Variants in ZNF726 observed in about 807,000 individuals in gnomAD.
The protein encoded by ZNF726 is zinc finger protein 726.
ZNF726 carries 15 observed loss-of-function variants against 11.6 expected under a neutral mutation model. The observed-to-expected ratio is 1.29, with a 90% CI of 0.86 to 1.99. The LOEUF is 1.99. ZNF726 is among the 30% of genes most tolerant of loss of function. ZNF726 has a pLI of 0.00. For synonymous variants in ZNF726, 295 were observed against 243.6 expected (o/e 1.21, Z -1.96); for missense variants, 890 against 725.6 (o/e 1.23, Z -2.60).
chr19:23,930,519 C>T (rs55965799), intron 3 of ZNF726, among the ~76,000 whole-genome samples: 15,603 of 152,048 alleles, frequency 0.1, 950 homozygotes, highest in Middle Eastern at 0.21. Flanking sequence ...CATTGTGGAG[C>T]AAAATCATAT....
intron 2 of ZNF726, 112 bp downstream of exon 2, chr19:23,919,611 C>T: frequency 2.2e-6 from 3 of 1,347,642 alleles, no homozygotes; most frequent in Non-Finnish European, 2.9e-6. Flanking sequence ...CAAGAAAATC[C>T]TGGGGATTTG....
chr19:23,936,976 A>T (rs1217270066), downstream of ZNF726, among the ~76,000 whole-genome samples: 2 of 151,404 alleles, frequency 1.3e-5, no homozygotes, highest in Non-Finnish European at 2.9e-5. Context: ...TGTTGGGTAC[A>T]CCTCCCAGAC....
At chr19:23,938,696 C>T (rs1968288541), downstream of ZNF726, among the ~76,000 whole-genome samples, 2 of 149,552 alleles carry the variant, frequency 1.3e-5, no homozygotes. Flanking sequence ...CAATCTCTGC[C>T]TTTCAGGTTC....
downstream of ZNF726, among the ~76,000 whole-genome samples, chr19:23,936,909 T>TC (rs924782690): frequency 1.7e-3 from 256 of 151,980 alleles, 1 homozygote; most frequent in African/African-American, 5.8e-3. Flanking sequence ...TCCCCACCTG[T>TC]CCCCCCTTTC....
rs1968129867 is a variant in ZNF726, at chr19:23,932,515, T to C, written c.399T>C (p.Leu133=). 1 of 1,586,084 alleles carries C rather than the reference T, an allele frequency of 6.3e-7. No individual in the cohort carries two copies. Among genetic ancestry groups the C allele is most frequent in the African/African-American group, 1.4e-5 (1 of 73,376 alleles). ...TACACAAAGAAGGTTATAATGGACT[T>C]AACCAGTGTTTCACAACTACCCAGG... ...CKVHKEGYNG[L]NQCFTTTQGK... The change falls in exon 4 of 4, where the codon CTT becomes CTC. Residue 133 remains leucine (L), a synonymous_variant. Transcript: ENST00000594466.
chr19:23,944,122 A>G (rs1968381071), intron 4 of ZNF726: 1 of 152,106 alleles, frequency 6.6e-6, no homozygotes, highest in African/African-American at 2.4e-5. Context: ...TTGTTAGGTG[A>G]TATTGACCAC....
chr19:23,918,894 T>C (rs934434665), intron 1 of ZNF726, among the ~76,000 whole-genome samples: 9 of 152,200 alleles, frequency 5.9e-5, no homozygotes, highest in African/African-American at 2.2e-4. Context: ...CTAATGAGCT[T>C]GATAGAGATT....
At chr19:23,927,584 T>C (rs1039185338) in intron 3 of ZNF726, among the ~76,000 whole-genome samples, 5 of 152,138 alleles carry the variant, frequency 3.3e-5, no homozygotes, top group African/African-American at 1.2e-4. Flanking sequence ...CTCAACCTAC[T>C]GGGCTCAAGT....
chr19:23,922,359 G>A (rs1039265331), intron 3 of ZNF726, among the ~76,000 whole-genome samples: 4 of 152,200 alleles, frequency 2.6e-5, no homozygotes, highest in African/African-American at 9.6e-5. Flanking sequence ...ATGAACTGTG[G>A]CTCAGGGAGC....
intron 3 of ZNF726, among the ~76,000 whole-genome samples, chr19:23,931,058 C>T (rs534278328): frequency 7.2e-5 from 11 of 152,320 alleles, no homozygotes; most frequent in African/African-American, 2.6e-4. Flanking sequence ...GCAACCTCCA[C>T]CTTCCAGGTT....
At chr19:23,927,213 C>T (rs898056199) in intron 3 of ZNF726, among the ~76,000 whole-genome samples, 2 of 152,018 alleles carry the variant, frequency 1.3e-5, no homozygotes, top group Non-Finnish European at 2.9e-5. Context: ...GCAATCCACC[C>T]GCCTCAGCCT....
chr19:23,932,908 A>T lies in ZNF726; in HGVS notation c.792A>T (p.Lys264Asn), dbSNP rs1220067689. 1 of 1,610,388 alleles carries T rather than the reference A, an allele frequency of 6.2e-7. No homozygotes were observed. Among genetic ancestry groups the T allele is most frequent in the Non-Finnish European group, 8.5e-7 (1 of 1,178,912 alleles). Residue 264 changes from lysine (K) to asparagine (N), a missense_variant, in exon 4 of 4, where the codon AAA (lysine) becomes AAT (asparagine). By Grantham distance (94) the Lys-to-Asn change is moderately conservative. Transcript: ENST00000594466. ...EKPYKCEECG[K>N]AFSQSSTLTI... is the part of the protein sequence containing the mutation. ...CTTACAAGTGTGAAGAATGTGGCAA[A>T]GCATTTAGCCAATCCTCAACACTAA...
intron 3 of ZNF726, among the ~76,000 whole-genome samples, chr19:23,941,979 T>TGATC (rs1283453188): frequency 3.3e-5 from 5 of 152,172 alleles, no homozygotes; most frequent in African/African-American, 1.2e-4. Flanking sequence ...AGTTATGTTC[T>TGATC]GATCATGGTT....
In ZNF726 at chr19:23,933,229, T is replaced by C. The variant is rs765724035; in HGVS notation, c.1113T>C (p.Cys371=). 17 of 1,613,234 alleles carry C rather than the reference T, an allele frequency of 1.1e-5. No homozygotes were observed. Among genetic ancestry groups the C allele is most frequent in the Non-Finnish European group, 1.4e-5 (17 of 1,179,994 alleles). ...IIHTGEKPYK[C]EECGKAFIWP... is the part of the protein sequence containing the mutation. ...ATACTGGAGAGAAACCCTACAAATG[T>C]GAAGAATGTGGCAAAGCATTTATAT... The change falls in exon 4 of 4, where the codon TGT becomes TGC. Residue 371 remains cysteine, a synonymous_variant. Transcript: ENST00000594466.
In ZNF726 at chr19:23,932,868, A is replaced by G. The variant is rs1968141196; in HGVS notation, c.752A>G (p.His251Arg). 6.2e-7 allele frequency: 1 copy of G among 1,608,704 alleles called. No homozygotes were observed. The highest frequency in any genetic ancestry group is 8.5e-7 in the Non-Finnish European group (1 of 1,177,778). Residue 251 changes from histidine to arginine, a missense_variant, in exon 4 of 4, where the codon CAT (histidine) becomes CGT (arginine). Transcript: ENST00000594466. ...SSNYTTHKVT[H>R]TGEKPYKCEE... ...AATTATACTACACATAAGGTAACTC[A>G]TACTGGAGAGAAGCCTTACAAGTGT... is the stretch of plus-strand genomic sequence containing the variant.
chr19:23,944,255 AT>A (rs1316243915), intron 4 of ZNF726: 1 of 152,008 alleles, frequency 6.6e-6, no homozygotes, highest in Non-Finnish European at 1.5e-5. Flanking sequence ...TTTCCTGTAT[AT>A]TTTGAATATT....
At chr19:23,937,148 C>A (rs1232445872), downstream of ZNF726, among the ~76,000 whole-genome samples, 2 of 150,366 alleles carry the variant, frequency 1.3e-5, no homozygotes, top group Admixed American at 6.6e-5. Context: ...CTGACCCCCC[C>A]ACCTCCCTCC....
chr19:23,934,015 C>T lies in ZNF726; in HGVS notation c.*48C>T, dbSNP rs777251484. The T allele has an allele frequency of 4.7e-5, 71 of 1,507,566 alleles. No individual in the cohort carries two copies. Among genetic ancestry groups the T allele is most frequent in the Non-Finnish European group, 6.2e-5 (69 of 1,105,080 alleles). The allele number at this position is 1,507,566 out of a possible 1,614,324, so 93.4% of individuals were successfully genotyped here. ...GAATGTGGCAAAGCATTTATATGGT[C>T]CTCAACGCTAAACATAAGAGGATGC... On this transcript the variant is annotated 3_prime_UTR_variant, in exon 4 of 4. Transcript: ENST00000594466.
intron 1 of ZNF726, 105 bp downstream of exon 1, chr19:23,915,102 A>G (rs766755721): frequency 3.4e-5 from 53 of 1,556,962 alleles, no homozygotes; most frequent in East Asian, 4.5e-5. Flanking sequence ...CAGTTTTACA[A>G]TCTGCGCCCG....
Sources: allele counts gnomAD v4.1 joint callset (sites outside exome capture counted in the v4.1 genomes callset), GRCh38; gene constraint gnomAD v4.1.1; transcripts MANE v1.5; gene names NCBI Gene and HGNC (gene_info 2026-07-23, HGNC 2026-07-21).